TRPM7: variants seen among roughly 807,000 people sequenced by gnomAD.
The protein encoded by TRPM7 is transient receptor potential cation channel subfamily M member 7, also known as LTRPC ion channel family member 7.
Under a neutral mutation model 229.7 loss-of-function variants are expected in TRPM7, and 134 were observed. The observed-to-expected ratio is 0.58, with a 90% CI of 0.51 to 0.67. TRPM7 has a LOEUF of 0.67. TRPM7 is among the 30% of genes least tolerant of loss of function. The probability of loss-of-function intolerance (pLI) is 0.00; values close to 1 mark genes in which losing one functional copy is unlikely to be tolerated. For missense variants in TRPM7, 1,901 were observed against 2,210.0 expected, an observed-to-expected ratio of 0.86 and a Z score of 2.80; for synonymous variants, 699 against 715.2, an observed-to-expected ratio of 0.98 and a Z score of 0.36.
At position 50,686,739 on chromosome 15, in the gene TRPM7, G is replaced by C; in HGVS notation, c.-206C>G. ...TCATAATTGTGCGACCAACTCCTCC[G>C]GGTGACTGGCCACAGGGACGCGCCC... On this transcript the variant is annotated 5_prime_UTR_variant, in exon 1 of 39. Transcript: ENST00000646667. The C allele has an allele frequency of 1.6e-6, 1 of 615,496 alleles. No individual in the cohort carries two copies. The highest frequency in any genetic ancestry group is 2.6e-6 in the Non-Finnish European group (1 of 381,030). The allele number at this position is 615,496 out of a possible 1,614,324, so 38.1% of individuals were successfully genotyped here. A position where few individuals can be genotyped will look rare whatever the true frequency, so the allele number is the denominator to read the frequency against.
rs746281940 is a variant in TRPM7 at position 50,639,475 on chromosome 15, T to G, written c.609A>C (p.Gly203=). The G allele has an allele frequency of 1.2e-6, 2 of 1,612,400 alleles. No individual in the cohort carries two copies. The highest frequency in any genetic ancestry group is 1.7e-6 in the Non-Finnish European group (2 of 1,178,864). The change falls in exon 6 of 39, where the codon GGA becomes GGC. Residue 203 remains glycine, a synonymous_variant. Coordinates refer to ENST00000646667, the MANE Select transcript of TRPM7 (RefSeq NM_017672.6). The part of the protein sequence containing the change: ...SRSSRKICTI[G]IAPWGVIENR... ...TTTCAATCACTCCCCATGGAGCTATTCCGATAGTGCAAATCTTTCGAGATG... is the reference window on the plus strand; with the variant it reads ...TTTCAATCACTCCCCATGGAGCTATGCCGATAGTGCAAATCTTTCGAGATG...
Position 50,634,436 on chromosome 15 carries a change from G to C in TRPM7, c.953C>G (p.Thr318Arg). 6.9e-6 allele frequency: 11 copies of C among 1,589,346 alleles called. No individual in the cohort carries two copies. Among genetic ancestry groups the C allele is most frequent in the Non-Finnish European group, 9.4e-6 (11 of 1,169,580 alleles). ...PPVPVVVCEG[T>R]GRAADLLAYI... ...CGCTAGCAGATCTGCAGCTCTGCCT[G>C]TTCCTTCACACACAACTACTGGAAC... The change falls in exon 8 of 39, where the codon ACA becomes AGA. Residue 318 changes from threonine to arginine, a missense_variant. This residue lies in a region of TRPM7 where 794 missense variants were observed against 881.9 expected (regional missense o/e 0.90). Coordinates refer to ENST00000646667, the MANE Select transcript of TRPM7 (RefSeq NM_017672.6).
chr15:50,582,151 G>C (rs1401306501), intron 29 of TRPM7, among the ~76,000 whole-genome samples: 2 of 152,088 alleles, frequency 1.3e-5, no homozygotes, highest in Admixed American at 6.6e-5. Context: ...AGTAGAGACA[G>C]GGTTTTGTCA....
chr15:50,569,147 G>T (rs751171698), intron 38 of TRPM7, among the ~76,000 whole-genome samples: 1 of 152,046 alleles, frequency 6.6e-6, no homozygotes, highest in Admixed American at 6.5e-5. Context: ...CGATCCTCTG[G>T]TATCAGCCTC....
intron 1 of TRPM7, among the ~76,000 whole-genome samples, chr15:50,679,163 C>T (rs575869778): frequency 2.2e-5 from 3 of 136,872 alleles, no homozygotes. Flanking sequence ...TTAACCACCG[C>T]ACCCAGTCAA....
chr15:50,647,516 C>T (rs987692934), intron 4 of TRPM7, among the ~76,000 whole-genome samples: 6 of 152,078 alleles, frequency 3.9e-5, no homozygotes, highest in East Asian at 3.9e-4. Flanking sequence ...GAGGCCGAGG[C>T]GGGCAGATCA....
At chr15:50,628,974 T>C (rs79881332) in intron 10 of TRPM7, among the ~76,000 whole-genome samples, 2,224 of 152,268 alleles carry the variant, frequency 0.015, 61 homozygotes, top group African/African-American at 0.051. Context: ...GTACCTTGGT[T>C]CTTCTTAAAA....
intron 1 of TRPM7, among the ~76,000 whole-genome samples, chr15:50,663,788 C>CAT (rs917385173): frequency 6.6e-6 from 1 of 152,062 alleles, no homozygotes; most frequent in African/African-American, 2.4e-5. Context: ...CATGGTGAAA[C>CAT]GCCATCTCTA....
intron 1 of TRPM7, among the ~76,000 whole-genome samples, chr15:50,684,478 T>TA (rs2062315123): frequency 6.6e-6 from 1 of 151,660 alleles, no homozygotes. Context: ...CCATCTCCAC[T>TA]AAAAATACAA....
intron 17 of TRPM7, 52 bp downstream of exon 17, chr15:50,611,041 T>C: frequency 7.1e-7 from 1 of 1,411,220 alleles, no homozygotes; most frequent in South Asian, 1.2e-5. Flanking sequence ...CTAATTCTTC[T>C]GTTCTTTTTA....
intron 1 of TRPM7, among the ~76,000 whole-genome samples, chr15:50,671,818 C>T (rs565275725): frequency 6.6e-6 from 1 of 152,070 alleles, no homozygotes; most frequent in East Asian, 1.9e-4. Flanking sequence ...AAAAAAAATT[C>T]CTATGGCCTA....
rs2053311934 is a variant in TRPM7, at chr15:50,561,576, T to C, written c.*102A>G. 2.1e-6 allele frequency: 3 copies of C among 1,409,912 alleles called. No individual in the cohort carries two copies. The highest frequency in any genetic ancestry group is 2.9e-6 in the Non-Finnish European group (3 of 1,024,418). The allele number at this position is 1,409,912 out of a possible 1,614,324, so 87.3% of individuals were successfully genotyped here. On this transcript the variant is annotated 3_prime_UTR_variant, in exon 39 of 39. Transcript: ENST00000646667. Reference sequence around the variant, plus strand: ...CTGGAGTCAGCAAATTCAACTTGCATACACCTTTCTATATTACCAAACAAT... The same window carrying C: ...CTGGAGTCAGCAAATTCAACTTGCACACACCTTTCTATATTACCAAACAAT...
chr15:50,562,596 C>G (rs553101351), intron 38 of TRPM7, among the ~76,000 whole-genome samples: 1 of 152,030 alleles, frequency 6.6e-6, no homozygotes, highest in Non-Finnish European at 1.5e-5. Context: ...ATGGTGAAGT[C>G]TCTTGTCTCT....
intron 16 of TRPM7, among the ~76,000 whole-genome samples, chr15:50,612,340 G>C (rs2060083246): frequency 6.6e-6 from 1 of 152,020 alleles, no homozygotes; most frequent in Non-Finnish European, 1.5e-5. Context: ...TTTAATTCTT[G>C]AGTTGCAAAT....
At chr15:50,577,017 T>C (rs1047832344) in intron 31 of TRPM7, among the ~76,000 whole-genome samples, 4 of 149,524 alleles carry the variant, frequency 2.7e-5, no homozygotes, top group Non-Finnish European at 5.9e-5. Flanking sequence ...AAGGCAGAGG[T>C]GGGAGGAATG....
chr15:50,654,220 C>A (rs903028557), intron 3 of TRPM7, among the ~76,000 whole-genome samples: 5 of 151,606 alleles, frequency 3.3e-5, no homozygotes, highest in Non-Finnish European at 5.9e-5. Flanking sequence ...CCAAGGCGGG[C>A]GGATCACCTG....
intron 4 of TRPM7, among the ~76,000 whole-genome samples, chr15:50,644,990 C>T (rs1202492580): frequency 6.6e-6 from 1 of 151,284 alleles, no homozygotes; most frequent in Non-Finnish European, 1.5e-5. Flanking sequence ...CAGCCTCTGC[C>T]TCCCAGGCTC....
intron 36 of TRPM7, among the ~76,000 whole-genome samples, chr15:50,571,090 C>T (rs1402417312): frequency 6.6e-6 from 1 of 152,092 alleles, no homozygotes; most frequent in Non-Finnish European, 1.5e-5. Flanking sequence ...TTAACACCTA[C>T]TGATATTTTG....
intron 10 of TRPM7, among the ~76,000 whole-genome samples, chr15:50,630,989 T>C (rs1367175061): frequency 1.3e-5 from 2 of 152,182 alleles, no homozygotes; most frequent in Admixed American, 6.5e-5. Flanking sequence ...AATGCCACCA[T>C]GCCCAGGTAA....
Sources: allele counts gnomAD v4.1 joint callset (sites outside exome capture counted in the v4.1 genomes callset), GRCh38; gene constraint gnomAD v4.1.1; regional missense constraint gnomAD v4.1.1; transcripts MANE v1.5; gene names NCBI Gene and HGNC (gene_info 2026-07-23, HGNC 2026-07-21).